The following PRKX variants were observed in gnomAD, a reference collection of about 807,000 sequenced individuals.
PRKX encodes the protein cAMP-dependent protein kinase catalytic subunit PRKX.
PRKX carries 12 observed loss-of-function variants against 22.0 expected under a neutral mutation model. That is an observed-to-expected ratio of 0.54 (90% CI 0.35 to 0.88). PRKX has a LOEUF of 0.88. Ranked by LOEUF, PRKX falls within the 40% of genes least tolerant of loss-of-function variation. The probability of loss-of-function intolerance (pLI) is 0.01; values close to 1 mark genes in which losing one functional copy is unlikely to be tolerated. For missense variants in PRKX, 217 were observed against 308.0 expected (o/e 0.70, Z 2.21); for synonymous variants, 134 against 137.7 (o/e 0.97, Z 0.19).
At chrX:3,642,539 G>C (rs188016154) in intron 3 of PRKX, among the ~76,000 whole-genome samples, 1 of 110,580 alleles carries the variant, frequency 9.0e-6, no homozygotes, top group Non-Finnish European at 1.9e-5. Flanking sequence ...TTATTACCCA[G>C]GTGACAAAAT....
chrX:3,618,364 T>C (rs1433634364), intron 6 of PRKX, among the ~76,000 whole-genome samples: 2 of 111,587 alleles, frequency 1.8e-5, no homozygotes, highest in African/African-American at 6.5e-5. Flanking sequence ...TTGCCTGTAA[T>C]CCTAGCACTT....
intron 3 of PRKX, among the ~76,000 whole-genome samples, chrX:3,649,728 AGAATGGGAGGGGAGGGAAGGGGAAG>A (rs1927274611): frequency 5.1e-5 from 1 of 19,490 alleles, no homozygotes; most frequent in African/African-American, 2.1e-4. Flanking sequence ...GGAAGGGGAA[AGAATGGGAGGGGAGGGAAGGGGAAG>A]GAATGGGAGG....
At chrX:3,685,843 C>T (rs183071239) in intron 1 of PRKX, among the ~76,000 whole-genome samples, 1 of 111,767 alleles carries the variant, frequency 8.9e-6, no homozygotes, top group Admixed American at 9.5e-5. Context: ...CCCAGGCGTC[C>T]AAGACCAGCC....
chrX:3,678,811 T>C (rs1455478131), intron 1 of PRKX, among the ~76,000 whole-genome samples: 5 of 111,742 alleles, frequency 4.5e-5, no homozygotes, highest in Non-Finnish European at 9.4e-5. Flanking sequence ...CAGTTATCAT[T>C]ATCCCACTTG....
chrX:3,637,386 C>T (rs896513481), intron 4 of PRKX, among the ~76,000 whole-genome samples: 2 of 111,186 alleles, frequency 1.8e-5, no homozygotes, highest in African/African-American at 3.3e-5. Flanking sequence ...CTGATGGGTA[C>T]GTGGACAGGA....
intron 1 of PRKX, among the ~76,000 whole-genome samples, chrX:3,705,057 G>A (rs1022762036): frequency 8.9e-6 from 1 of 111,888 alleles, no homozygotes; most frequent in Non-Finnish European, 1.9e-5. Flanking sequence ...ACCCTGCCGC[G>A]TGGGGTGAAT....
At chrX:3,712,881 G>T (rs1162591859) in intron 1 of PRKX, among the ~76,000 whole-genome samples, 1 of 112,707 alleles carries the variant, frequency 8.9e-6, no homozygotes. Context: ...GCCGGTCGGG[G>T]GTACTTGCCT....
intron 2 of PRKX, among the ~76,000 whole-genome samples, chrX:3,668,539 C>G (rs1409049186): frequency 8.9e-6 from 1 of 111,910 alleles, no homozygotes; most frequent in African/African-American, 3.2e-5. Context: ...AAGATGTTTC[C>G]AAGAGATGCA....
At chrX:3,625,417 C>T (rs1926640671) in intron 5 of PRKX, among the ~76,000 whole-genome samples, 1 of 112,157 alleles carries the variant, frequency 8.9e-6, no homozygotes, top group African/African-American at 3.2e-5. Flanking sequence ...AAGTTTAATT[C>T]TCAACTAGAT....
At chrX:3,646,428 G>C (rs1255385865) in intron 3 of PRKX, among the ~76,000 whole-genome samples, 1 of 112,051 alleles carries the variant, frequency 8.9e-6, no homozygotes, top group Non-Finnish European at 1.9e-5. Flanking sequence ...GACATGGTGA[G>C]CATGTCACTC....
At chrX:3,616,628 C>T (rs190499088) in intron 6 of PRKX, among the ~76,000 whole-genome samples, 19 of 112,199 alleles carry the variant, frequency 1.7e-4, no homozygotes, top group East Asian at 2.8e-4. Context: ...CTGAATTTAA[C>T]GCGTCTATCA....
chrX:3,703,667 TTG>T lies in PRKX; in HGVS notation c.166+9419_166+9420del, dbSNP rs1390795505. Among the ~76,000 whole-genome samples the T allele has an allele frequency of 4.2e-3, 366 of 87,647 alleles. 4 individuals are homozygous for T. Among genetic ancestry groups the T allele is most frequent in the African/African-American group, 0.017 (344 of 20,657 alleles). 76.1% of individuals were successfully genotyped at this position (87,647 alleles called of 115,157 possible). A position where few individuals can be genotyped will look rare whatever the true frequency, so the allele number is the denominator to read the frequency against. ...CTAATGTGTTTTTGGGTTTTTTTGG[TTG>T]TTTTTTTTTTTTTTTTTTTGAGATG... On this transcript the variant is annotated intron_variant, in intron 1 of 8. Coordinates refer to ENST00000262848, the MANE Select transcript of PRKX (RefSeq NM_005044.5).
chrX:3,698,682 G>A (rs916230065), intron 1 of PRKX, among the ~76,000 whole-genome samples: 5 of 109,116 alleles, frequency 4.6e-5, no homozygotes, highest in African/African-American at 1.7e-4. Flanking sequence ...TCCGCCTTCC[G>A]GGTTGAAGCG....
intron 1 of PRKX, among the ~76,000 whole-genome samples, chrX:3,686,704 C>T: frequency 9.1e-6 from 1 of 109,980 alleles, no homozygotes. Flanking sequence ...ATTACAGGTG[C>T]CTGCCACTAC....
chrX:3,618,067 AAG>A (rs149670216), intron 6 of PRKX, among the ~76,000 whole-genome samples: 2,976 of 86,537 alleles, frequency 0.034, 195 homozygotes, highest in African/African-American at 0.095. Context: ...AAAAAAAAAA[AAG>A]AGAGAGAGAG....
chrX:3,703,460 C>A (rs778871605), intron 1 of PRKX, among the ~76,000 whole-genome samples: 5 of 110,710 alleles, frequency 4.5e-5, no homozygotes, highest in African/African-American at 1.6e-4. Flanking sequence ...GTGTGGTCTC[C>A]TTAGACCACA....
chrX:3,669,117 A>G (rs969771994), intron 2 of PRKX, among the ~76,000 whole-genome samples: 1 of 111,839 alleles, frequency 8.9e-6, no homozygotes, highest in African/African-American at 3.2e-5. Context: ...TTCCATCATC[A>G]ATCTATCAAT....
At chrX:3,669,696 G>C (rs746699429) in intron 2 of PRKX, among the ~76,000 whole-genome samples, 1 of 112,130 alleles carries the variant, frequency 8.9e-6, no homozygotes, top group South Asian at 3.7e-4. Flanking sequence ...ATCTATAGCT[G>C]TATATATTAG....
At chrX:3,700,301 T>C (rs1928532584) in intron 1 of PRKX, among the ~76,000 whole-genome samples, 1 of 111,942 alleles carries the variant, frequency 8.9e-6, no homozygotes, top group Non-Finnish European at 1.9e-5. Flanking sequence ...CAAAACGCAA[T>C]GTAACTGAAA....
Sources: gnomAD v4.1 joint callset for allele counts (sites outside exome capture counted in the v4.1 genomes callset) on GRCh38, gnomAD v4.1.1 for gene constraint, MANE v1.5 for transcripts, NCBI Gene and HGNC (gene_info 2026-07-23, HGNC 2026-07-21) for gene names.